ANKS1B: variants seen among roughly 807,000 people sequenced by gnomAD.
ANKS1B encodes the protein ankyrin repeat and sterile alpha motif domain-containing protein 1B.
In ANKS1B, 36 loss-of-function variants were observed where a neutral mutation model predicts 148.3. The ratio of observed to expected loss-of-function variants is 0.24; its 90% CI spans 0.19 to 0.32. The LOEUF is 0.32. Ranked by LOEUF, ANKS1B falls within the 10% of genes least tolerant of loss-of-function variation. The pLI, the probability that ANKS1B is intolerant of heterozygous loss-of-function variation, is 1.00. For synonymous variants in ANKS1B, 542 were observed against 560.8 expected, an observed-to-expected ratio of 0.97 and a Z score of 0.47; for missense variants, 1,157 against 1,542.6, an observed-to-expected ratio of 0.75 and a Z score of 4.19.
intron 14 of ANKS1B, among the ~76,000 whole-genome samples, chr12:99,190,361 C>T (rs1465696124): frequency 2.0e-5 from 3 of 152,026 alleles, no homozygotes; most frequent in African/African-American, 7.2e-5. Flanking sequence ...TCATATGGAA[C>T]CAAAAAAGAG....
intron 1 of ANKS1B, among the ~76,000 whole-genome samples, chr12:99,960,422 T>C (rs2095394421): frequency 1.3e-5 from 2 of 152,358 alleles, no homozygotes; most frequent in South Asian, 4.1e-4. Flanking sequence ...CCTTTCCTTC[T>C]GCTCCCTAAC....
rs1465797773 is a variant in ANKS1B, at chr12:99,354,612, C to G, written c.1756+45019G>C. Reference sequence around the variant, plus strand: ...GCTCATTGAACCCACTGTTGTCACACCATTAAGAAAGAGAATGAATACAAT... The same window carrying G: ...GCTCATTGAACCCACTGTTGTCACAGCATTAAGAAAGAGAATGAATACAAT... On this transcript the variant is annotated intron_variant, in intron 12 of 26. Transcript: ENST00000683438. Among the ~76,000 whole-genome samples the G allele has an allele frequency of 2.0e-5, 3 of 151,962 alleles. 1 individual carries two copies. The highest frequency in any genetic ancestry group is 1.3e-4 in the Admixed American group (2 of 15,246).
intron 17 of ANKS1B, among the ~76,000 whole-genome samples, chr12:98,915,446 G>A (rs182512798): frequency 2.6e-5 from 4 of 152,268 alleles, no homozygotes; most frequent in African/African-American, 9.6e-5. Flanking sequence ...CCGCCTCCCA[G>A]GTTCAAGCGA....
At chr12:99,261,245 A>G (rs973514561) in intron 12 of ANKS1B, among the ~76,000 whole-genome samples, 2 of 152,110 alleles carry the variant, frequency 1.3e-5, no homozygotes, top group African/African-American at 2.4e-5. Context: ...TACTTGACCT[A>G]CCAGCTATAC....
intron 1 of ANKS1B, among the ~76,000 whole-genome samples, chr12:99,874,353 C>G (rs1242630408): frequency 6.6e-6 from 1 of 152,066 alleles, no homozygotes. Context: ...AAACTTCCCA[C>G]AAGAACTGTT....
rs34366930 is a variant in ANKS1B, at chr12:98,744,795, A to ATTT, written c.*941_*943dup. On this transcript the variant is annotated 3_prime_UTR_variant, in exon 27 of 27. Transcript: ENST00000683438. ...GAAATCTTGACAGCAGGAGCACTAG[A>ATTT]TTTTTTTTTTTTTAACATGTTCTTT... 1.9e-3 allele frequency: 1,537 copies of ATTT among 825,038 alleles called. No individual in the cohort carries two copies. The highest frequency in any genetic ancestry group is 2.1e-3 in the Non-Finnish European group (1,435 of 687,930). 51.1% of individuals were successfully genotyped at this position (825,038 alleles called of 1,614,324 possible). A position where few individuals can be genotyped will look rare whatever the true frequency, so the allele number is the denominator to read the frequency against.
chr12:99,910,613 T>G (rs1330138484), intron 1 of ANKS1B, among the ~76,000 whole-genome samples: 1 of 152,198 alleles, frequency 6.6e-6, no homozygotes, highest in Non-Finnish European at 1.5e-5. Flanking sequence ...GATGAACATA[T>G]TCTAAAATTA....
In ANKS1B at chr12:99,812,086, A is replaced by G. The variant is rs2068445480; in HGVS notation, c.372+69T>C. 7 of 1,509,162 alleles carry G rather than the reference A, an allele frequency of 4.6e-6. No individual in the cohort carries two copies. The South Asian group carries it at 9.5e-5, about 21-fold the overall frequency. 93.5% of individuals were successfully genotyped at this position (1,509,162 alleles called of 1,614,324 possible). ...GGCAAGGTAAAGATAAAAAAATCAC[A>G]TTTTCAATATGGCTTTGCCTTGTAA... On this transcript the variant is annotated intron_variant, in intron 3 of 26. Transcript: ENST00000683438.
At chr12:98,932,133 A>C (rs2099814231) in intron 17 of ANKS1B, among the ~76,000 whole-genome samples, 1 of 152,128 alleles carries the variant, frequency 6.6e-6, no homozygotes, top group African/African-American at 2.4e-5. Context: ...GACCAGGGGG[A>C]AACACAAACT....
intron 14 of ANKS1B, among the ~76,000 whole-genome samples, chr12:99,197,366 C>T (rs2081512620): frequency 6.6e-6 from 1 of 152,134 alleles, no homozygotes; most frequent in African/African-American, 2.4e-5. Flanking sequence ...GCCATTCCCT[C>T]CCAAGAACTC....
At chr12:99,268,935 A>G (rs2076734976) in intron 12 of ANKS1B, among the ~76,000 whole-genome samples, 1 of 152,202 alleles carries the variant, frequency 6.6e-6, no homozygotes, top group Non-Finnish European at 1.5e-5. Context: ...TAACATGGAA[A>G]GCAAAATGAA....
At chr12:99,309,163 G>A (rs544446848) in intron 12 of ANKS1B, among the ~76,000 whole-genome samples, 9 of 151,568 alleles carry the variant, frequency 5.9e-5, no homozygotes, top group Non-Finnish European at 1.2e-4. Context: ...ATTATGCCTT[G>A]TATTTCTTTT....
At chr12:98,815,343 T>A (rs940339893) in intron 19 of ANKS1B, among the ~76,000 whole-genome samples, 1 of 152,224 alleles carries the variant, frequency 6.6e-6, no homozygotes, top group Non-Finnish European at 1.5e-5. Flanking sequence ...ATTTTCTATT[T>A]TCCTTGACCT....
At chr12:99,421,344 A>C (rs2095074737) in intron 11 of ANKS1B, among the ~76,000 whole-genome samples, 1 of 152,338 alleles carries the variant, frequency 6.6e-6, no homozygotes, top group East Asian at 1.9e-4. Context: ...TACAGCACAC[A>C]GACTTATTTT....
In ANKS1B at chr12:98,956,785, C is replaced by T. The variant is rs528536745; in HGVS notation, c.2778+96372G>A. ...TGTGGGGATACAATGCTGCATTGTA[C>T]GCAGACTTGGTTCCTGCCCTCATGA... On this transcript the variant is annotated intron_variant, in intron 17 of 26. Transcript: ENST00000683438. Among the ~76,000 whole-genome samples the T allele has an allele frequency of 8.1e-4, 124 of 152,194 alleles. 1 individual carries two copies. The Middle Eastern group carries it at 0.031, about 38-fold the overall frequency.
At chr12:99,197,629 A>G (rs2081542869) in intron 14 of ANKS1B, among the ~76,000 whole-genome samples, 2 of 152,164 alleles carry the variant, frequency 1.3e-5, no homozygotes. Context: ...GATTCAGATA[A>G]CCAGAAATAT....
chr12:99,258,197 G>C (rs1309039720), intron 12 of ANKS1B, among the ~76,000 whole-genome samples: 1 of 152,068 alleles, frequency 6.6e-6, no homozygotes, highest in East Asian at 1.9e-4. Flanking sequence ...ATAATAAATT[G>C]CCTTGCTCTG....
intron 14 of ANKS1B, among the ~76,000 whole-genome samples, chr12:99,171,640 G>A (rs187977433): frequency 9.4e-4 from 143 of 152,248 alleles, no homozygotes; most frequent in Non-Finnish European, 1.4e-3. Flanking sequence ...TTATGTGCTG[G>A]GGTATGGTCT....
At chr12:98,881,615 A>G (rs1466226431) in intron 17 of ANKS1B, among the ~76,000 whole-genome samples, 2 of 152,136 alleles carry the variant, frequency 1.3e-5, no homozygotes, top group African/African-American at 2.4e-5. Context: ...TATAAACTCA[A>G]TATTTTAAGA....
Sources: gnomAD v4.1 joint callset for allele counts (sites outside exome capture counted in the v4.1 genomes callset) on GRCh38, gnomAD v4.1.1 for gene constraint, MANE v1.5 for transcripts, NCBI Gene and HGNC (gene_info 2026-07-23, HGNC 2026-07-21) for gene names.